FAM135B: variants seen among roughly 807,000 people sequenced by gnomAD.
FAM135B encodes protein FAM135B.
Under a neutral mutation model 127.7 loss-of-function variants are expected in FAM135B, and 43 were observed. The ratio of observed to expected loss-of-function variants is 0.34; its 90% CI spans 0.26 to 0.43. FAM135B has a LOEUF of 0.43. Among genes scored for constraint, FAM135B ranks in the 20% least tolerant of loss-of-function variants. The pLI is 1.00. For synonymous variants in FAM135B, 670 were observed against 665.1 expected (o/e 1.01, Z -0.11); for missense variants, 1,558 against 1,725.6 (o/e 0.90, Z 1.72).
chr8:138,477,239 C>G (rs1266586862), intron 1 of FAM135B: 1 of 152,214 alleles, frequency 6.6e-6, no homozygotes, highest in Non-Finnish European at 1.5e-5. Context: ...TTACCCTTCT[C>G]CAATAGAACA....
chr8:138,213,214 C>T (rs4909760), intron 7 of FAM135B, among the ~76,000 whole-genome samples: 1 of 152,218 alleles, frequency 6.6e-6, no homozygotes, highest in African/African-American at 2.4e-5. Context: ...TGAGATACCA[C>T]CTACTGGATA....
chr8:138,398,700 G>A (rs138293162), intron 1 of FAM135B, among the ~76,000 whole-genome samples: 14 of 152,290 alleles, frequency 9.2e-5, no homozygotes, highest in Admixed American at 2.0e-4. Flanking sequence ...GGGGGGCATC[G>A]ACTAATTTTA....
chr8:138,177,219 A>C (rs565551225), intron 11 of FAM135B, 128 bp downstream of exon 11: 13 of 808,958 alleles, frequency 1.6e-5, no homozygotes. Flanking sequence ...GAGGAAATGC[A>C]GACAGAAAGT....
chr8:138,231,866 T>C (rs906729610), intron 7 of FAM135B, among the ~76,000 whole-genome samples: 4 of 152,106 alleles, frequency 2.6e-5, no homozygotes, highest in Non-Finnish European at 5.9e-5. Flanking sequence ...ACAAGATCCA[T>C]GGGTTTGTAA....
intron 2 of FAM135B, among the ~76,000 whole-genome samples, chr8:138,346,193 A>C (rs1829399957): frequency 6.6e-6 from 1 of 152,230 alleles, no homozygotes; most frequent in Non-Finnish European, 1.5e-5. Context: ...ACACTTTTAC[A>C]CTGTTGGTGG....
intron 5 of FAM135B, among the ~76,000 whole-genome samples, chr8:138,255,485 A>G (rs1005364551): frequency 8.5e-5 from 13 of 152,146 alleles, no homozygotes; most frequent in South Asian, 4.1e-4. Context: ...TGCTCAACTC[A>G]TTCTGCAAAG....
chr8:138,356,280 G>GAA (rs1554673726), intron 2 of FAM135B, among the ~76,000 whole-genome samples: 20 of 6,236 alleles, frequency 3.2e-3, no homozygotes, highest in South Asian at 0.023. Flanking sequence ...GAGAGAGAGA[G>GAA]AGAAAGAGAG....
rs2130898976 is a variant in FAM135B, at chr8:138,167,894, C to T, written c.1258+1G>A. The T allele has an allele frequency of 6.2e-7, 1 of 1,604,918 alleles. No homozygotes were observed. The highest frequency in any genetic ancestry group is 8.5e-7 in the Non-Finnish European group (1 of 1,174,878). On this transcript the variant is annotated splice_donor_variant, in intron 12 of 19. Transcript: ENST00000395297. LOFTEE classifies it high-confidence loss of function. ...GTCTTTCCAAAACAAAACAGACAAACCTGTCGCAGGGCAGTCCACGTATCT... is the reference window on the plus strand; with the variant it reads ...GTCTTTCCAAAACAAAACAGACAAATCTGTCGCAGGGCAGTCCACGTATCT...
chr8:138,410,108 C>A (rs1160442461), intron 1 of FAM135B, among the ~76,000 whole-genome samples: 1 of 152,106 alleles, frequency 6.6e-6, no homozygotes, highest in East Asian at 1.9e-4. Flanking sequence ...GTGCCTGGAG[C>A]TGCCACTGTA....
At chr8:138,252,374 T>C (rs1821760752) in intron 5 of FAM135B, among the ~76,000 whole-genome samples, 1 of 152,218 alleles carries the variant, frequency 6.6e-6, no homozygotes, top group South Asian at 2.1e-4. Flanking sequence ...TTCACAGTTG[T>C]TTCTGAGTTA....
chr8:138,227,368 A>G (rs1036027065), intron 7 of FAM135B, among the ~76,000 whole-genome samples: 3 of 152,222 alleles, frequency 2.0e-5, no homozygotes, highest in African/African-American at 7.2e-5. Context: ...GCAGTTGACA[A>G]TGGCACATTA....
intron 7 of FAM135B, among the ~76,000 whole-genome samples, chr8:138,214,753 A>G (rs749059982): frequency 5.1e-4 from 78 of 152,214 alleles, no homozygotes; most frequent in Non-Finnish European, 1.0e-3. Flanking sequence ...ACAAGGTTGA[A>G]GCTGAGCTTA....
intron 6 of FAM135B, among the ~76,000 whole-genome samples, chr8:138,246,539 T>C (rs1821303041): frequency 2.6e-5 from 4 of 152,160 alleles, no homozygotes; most frequent in African/African-American, 7.2e-5. Context: ...AAGTCAAGAA[T>C]TGAGGTTTGG....
At chr8:138,367,530 C>A (rs766899646) in intron 2 of FAM135B, 1 of 445,934 alleles carries the variant, frequency 2.2e-6, no homozygotes, top group Non-Finnish European at 4.4e-6. Flanking sequence ...GAAGTAATGG[C>A]CTGCATCAGC....
At chr8:138,288,892 T>C (rs1824894534) in intron 3 of FAM135B, among the ~76,000 whole-genome samples, 1 of 152,212 alleles carries the variant, frequency 6.6e-6, no homozygotes, top group Non-Finnish European at 1.5e-5. Context: ...GAGCAGTGCC[T>C]GGAAATGTTA....
At chr8:138,408,681 C>T (rs548455342) in intron 1 of FAM135B, among the ~76,000 whole-genome samples, 4 of 152,226 alleles carry the variant, frequency 2.6e-5, no homozygotes, top group East Asian at 3.9e-4. Context: ...AAGCAAAGCA[C>T]GGCTTACATG....
chr8:138,257,251 C>T (rs1487093937), intron 4 of FAM135B, among the ~76,000 whole-genome samples: 2 of 152,114 alleles, frequency 1.3e-5, no homozygotes, highest in South Asian at 2.1e-4. Flanking sequence ...GGAGGAAGCT[C>T]ATGTTTGGGA....
intron 2 of FAM135B, among the ~76,000 whole-genome samples, chr8:138,312,259 T>C (rs894602833): frequency 2.0e-4 from 30 of 152,170 alleles, no homozygotes; most frequent in Admixed American, 2.0e-3. Flanking sequence ...TGAGTATTTT[T>C]CAAAAGTACC....
In FAM135B at chr8:138,152,728, C is replaced by T. The variant is rs746882944; in HGVS notation, c.1747G>A (p.Asp583Asn). The T allele has an allele frequency of 9.9e-6, 16 of 1,614,106 alleles. No homozygotes were observed. Among genetic ancestry groups the T allele is most frequent in the Non-Finnish European group, 1.4e-5 (16 of 1,180,048 alleles). Residue 583 changes from aspartate to asparagine, a missense_variant, in exon 13 of 20, where the codon GAT (aspartate) becomes AAT (asparagine). By Grantham distance (23) the Asp-to-Asn change is conservative. Around this residue, in one of 5 missense-constraint regions of FAM135B, gnomAD observed 923 missense variants for 865.3 expected, o/e 1.07. Transcript: ENST00000395297. ...CCAGTCCTGTCTAATCCATACTTAT[C>T]TCTAGAGCTCCTACTCTCATGCTGA... ...NAQHESRSSR[D>N]KYGLDRTGLS...
Sources: gnomAD v4.1 joint callset for allele counts (sites outside exome capture counted in the v4.1 genomes callset) on GRCh38, gnomAD v4.1.1 for gene constraint, gnomAD v4.1.1 regional missense constraint, MANE v1.5 for transcripts, NCBI Gene and HGNC (gene_info 2026-07-23, HGNC 2026-07-21) for gene names.